Variants in KDM2B observed in about 807,000 individuals in gnomAD.
KDM2B encodes lysine-specific demethylase 2B.
In KDM2B, 26 loss-of-function variants were observed where a neutral mutation model predicts 150.0. The ratio of observed to expected loss-of-function variants is 0.17; its 90% CI spans 0.13 to 0.24. The LOEUF (loss-of-function observed/expected upper bound fraction) is 0.24. Among genes scored for constraint, KDM2B ranks in the 10% least tolerant of loss-of-function variants. The pLI is 1.00. For missense variants in KDM2B, 1,265 were observed against 1,816.9 expected, an observed-to-expected ratio of 0.70 and a Z score of 5.52; for synonymous variants, 734 against 729.5, an observed-to-expected ratio of 1.01 and a Z score of -0.10.
intron 11 of KDM2B, among the ~76,000 whole-genome samples, chr12:121,508,843 GGATGTACAACCTGCTCATGT>G (rs1593991879): frequency 2.6e-5 from 4 of 152,312 alleles, no homozygotes; most frequent in African/African-American, 2.4e-5. Flanking sequence ...AGGACTGTGG[GGATGTACAACCTGCTCATGT>G]GAAACTGATT....
intron 4 of KDM2B, among the ~76,000 whole-genome samples, chr12:121,554,033 CCACACACACACACACACA>C (rs56659514): frequency 2.0e-4 from 25 of 122,142 alleles, no homozygotes; most frequent in African/African-American, 3.7e-4. Flanking sequence ...CACCCCAGCT[CCACACACACACACACACA>C]CACACACACA....
intron 11 of KDM2B, among the ~76,000 whole-genome samples, chr12:121,501,228 AGGCAGATGGGTGTGGT>A (rs1884513910): frequency 6.6e-6 from 1 of 152,058 alleles, no homozygotes; most frequent in Non-Finnish European, 1.5e-5. Flanking sequence ...AAGAAAATGA[AGGCAGATGGGTGTGGT>A]GGCACCTGCC....
chr12:121,488,170 T>G (rs1882979753), intron 12 of KDM2B, among the ~76,000 whole-genome samples: 1 of 152,162 alleles, frequency 6.6e-6, no homozygotes, highest in Non-Finnish European at 1.5e-5. Context: ...GCAAAGAAAT[T>G]AAGTCATTCA....
At chr12:121,414,289 A>C in the KDM2B span, among the ~76,000 whole-genome samples, 1 of 152,260 alleles carries the variant, frequency 6.6e-6, no homozygotes, top group Non-Finnish European at 1.5e-5. Flanking sequence ...AGATTCTAGA[A>C]TATGCTTAAG....
Position 121,537,366 on chromosome 12 carries a change from G to GCCACGGCCGCTAAGCTCTCC in KDM2B, c.684-2796_684-2777dup, listed in dbSNP as rs1566391376. On this transcript the variant is annotated intron_variant, in intron 6 of 22. Transcript: ENST00000377071. This position sits in a 1 kb window ranked among gnomAD's most constrained non-coding sequence, Gnocchi z 8.7. ...AGTCACATGGGCACCCCGGCTCGGT[G>GCCACGGCCGCTAAGCTCTCC]CCACGGCCGCTAAGCTCTCCCCACG... 1 of 152,756 alleles carries GCCACGGCCGCTAAGCTCTCC rather than the reference G, an allele frequency of 6.5e-6. No individual in the cohort carries two copies. The highest frequency in any genetic ancestry group is 1.5e-5 in the Non-Finnish European group (1 of 68,492). The allele number at this position is 152,756 out of a possible 1,614,324, so 9.5% of individuals were successfully genotyped here.
At chr12:121,445,247 C>T in intron 14 of KDM2B, 28 bp downstream of exon 14, 3 of 1,608,468 alleles carry the variant, frequency 1.9e-6, no homozygotes, top group Non-Finnish European at 2.5e-6. Context: ...AGAGCGTCAG[C>T]ACCACCTGTC....
rs1464254679 is a variant in KDM2B, at chr12:121,521,853, G to A, written c.932-753C>T. On this transcript the variant is annotated intron_variant, in intron 8 of 22. Coordinates refer to ENST00000377071, the MANE Select transcript of KDM2B (RefSeq NM_032590.5). The surrounding 1 kb of genome is among the most constrained non-coding windows in gnomAD (Gnocchi z 4.9). ...GCCAGGTGTAGTGGTGCACCTCTGT[G>A]ATCCCAGCACTTTGGGAGGCTGAGG... is the stretch of plus-strand genomic sequence containing the variant. Among the ~76,000 whole-genome samples, 2 of 152,162 alleles carry A rather than the reference G, an allele frequency of 1.3e-5. No individual in the cohort carries two copies. Among genetic ancestry groups the A allele is most frequent in the Non-Finnish European group, 1.5e-5 (1 of 68,034 alleles).
At chr12:121,431,722 ATGC>A (rs1873055759) in intron 22 of KDM2B, among the ~76,000 whole-genome samples, 1 of 152,002 alleles carries the variant, frequency 6.6e-6, no homozygotes, top group Non-Finnish European at 1.5e-5. Context: ...CTTCAAACAG[ATGC>A]TCACCAATTC....
At chr12:121,446,199 T>C (rs556104736) in intron 13 of KDM2B, among the ~76,000 whole-genome samples, 46 of 152,154 alleles carry the variant, frequency 3.0e-4, no homozygotes, top group African/African-American at 9.9e-4. Flanking sequence ...ATCGAGACCA[T>C]CCCGGCTACC....
intron 22 of KDM2B, chr12:121,433,229 T>A: frequency 2.2e-6 from 1 of 456,678 alleles, no homozygotes; most frequent in South Asian, 1.5e-5. Context: ...AGACTTTCTT[T>A]GGTCCCTCTG....
rs562153555 is a variant in KDM2B at position 121,451,114 on chromosome 12, C to A, written c.1959+2006G>T. ...AGTGTGCCTGCGTCTCCTGCCCCCC[C>A]CTTCTACCTCCTCCATCTCTTCTGC... On this transcript the variant is annotated intron_variant, in intron 13 of 22. Transcript: ENST00000377071. 3.9e-5 allele frequency among the ~76,000 whole-genome samples: 6 copies of A among 152,016 alleles called. No homozygotes were observed. The East Asian group carries it at 1.2e-3, about 29-fold the overall frequency.
At chr12:121,562,762 C>G (rs1005895548) in intron 4 of KDM2B, among the ~76,000 whole-genome samples, 2 of 152,004 alleles carry the variant, frequency 1.3e-5, no homozygotes, top group Admixed American at 1.3e-4. Flanking sequence ...CAGGTGCAGT[C>G]CTGGCTCCAC....
At chr12:121,480,121 A>C (rs113401912) in intron 12 of KDM2B, among the ~76,000 whole-genome samples, 1,776 of 151,940 alleles carry the variant, frequency 0.012, 42 homozygotes, top group African/African-American at 0.041. Flanking sequence ...AATGATCAAC[A>C]AGTGCTGAAA....
chr12:121,423,350 C>G, the KDM2B span: 1 of 1,535,562 alleles, frequency 6.5e-7, no homozygotes, highest in South Asian at 1.2e-5. The surrounding 1 kb of genome is among the most constrained non-coding windows in gnomAD (Gnocchi z 4.3). Flanking sequence ...CTGGCCATGC[C>G]TGAAGCCGAG....
At chr12:121,576,312 G>A (rs902970059) in intron 2 of KDM2B, among the ~76,000 whole-genome samples, 1 of 152,208 alleles carries the variant, frequency 6.6e-6, no homozygotes, top group Non-Finnish European at 1.5e-5. Context: ...GAGGAGGCTG[G>A]GAGGAGGGCC....
chr12:121,475,765 TGAG>T (rs1377658527), intron 12 of KDM2B, among the ~76,000 whole-genome samples: 1 of 151,202 alleles, frequency 6.6e-6, no homozygotes, highest in Admixed American at 6.6e-5. Flanking sequence ...ATCTTGGAGA[TGAG>T]GAGAAGACTA....
At chr12:121,572,299 T>A (rs1199095804) in intron 4 of KDM2B, among the ~76,000 whole-genome samples, 1 of 152,168 alleles carries the variant, frequency 6.6e-6, no homozygotes, top group Non-Finnish European at 1.5e-5. Context: ...AGCTCCCCAG[T>A]GGCTTCCCAA....
rs1278549313 is a variant in KDM2B, at chr12:121,442,182, G to C, written c.3259C>G (p.Arg1087Gly). The C allele has an allele frequency of 6.2e-7, 1 of 1,613,642 alleles. No individual in the cohort carries two copies. The highest frequency in any genetic ancestry group is 8.5e-7 in the Non-Finnish European group (1 of 1,180,002). Reference sequence around the variant, plus strand: ...CAGCGGTTCCAGGTCCTGCAGACCCGCATGCACACACACAGGTCTTGGTGG... The same window carrying C: ...CAGCGGTTCCAGGTCCTGCAGACCCCCATGCACACACACAGGTCTTGGTGG... Reference protein sequence around the residue: ...LSHQDLCVCMRVCRTWNRWCC... With the variant: ...LSHQDLCVCMGVCRTWNRWCC... Residue 1087 changes from arginine (R) to glycine (G), a missense_variant, in exon 19 of 23, where the codon CGG becomes GGG. Transcript: ENST00000377071. The surrounding 1 kb of genome is among the most constrained non-coding windows in gnomAD (Gnocchi z 7.7).
At chr12:121,579,894 G>T in intron 1 of KDM2B, 1 of 1,467,174 alleles carries the variant, frequency 6.8e-7, no homozygotes, top group Non-Finnish European at 9.1e-7. Context: ...TTTTTTCCCG[G>T]TCCTCTTGCA....
Sources: gnomAD v4.1 joint callset for allele counts (sites outside exome capture counted in the v4.1 genomes callset) on GRCh38, gnomAD v4.1.1 for gene constraint, Gnocchi (gnomAD v3.1) non-coding constraint, MANE v1.5 for transcripts, NCBI Gene and HGNC (gene_info 2026-07-23, HGNC 2026-07-21) for gene names.